Variants in SUSD1 observed in about 807,000 individuals in gnomAD.
The protein encoded by SUSD1 is sushi domain-containing protein 1.
A neutral mutation model predicts 86.9 loss-of-function variants in SUSD1; 65 were observed. The ratio of observed to expected loss-of-function variants is 0.75; its 90% CI spans 0.61 to 0.92. The LOEUF (loss-of-function observed/expected upper bound fraction) is 0.92. SUSD1 is among the 40% of genes least tolerant of loss of function. The pLI, the probability that SUSD1 is intolerant of heterozygous loss-of-function variation, is 0.00. For synonymous variants in SUSD1, 346 were observed against 350.0 expected (o/e 0.99, Z 0.13); for missense variants, 850 against 929.7 (o/e 0.91, Z 1.11).
In SUSD1 at chr9:112,113,760, C is replaced by T. The variant is rs1430741549; in HGVS notation, c.887-892G>A. On this transcript the variant is annotated intron_variant, in intron 6 of 16. Transcript: ENST00000374270. The surrounding 1 kb of genome is among the most constrained non-coding windows in gnomAD (Gnocchi z 4.1). ...CAGCCTGGCCAACATAGTGAAACCC[C>T]ATCTCTACTAAAAATACAAAACTTA... Among the ~76,000 whole-genome samples the T allele has an allele frequency of 6.6e-6, 1 of 152,006 alleles. No homozygotes were observed. Among genetic ancestry groups the T allele is most frequent in the African/African-American group, 2.4e-5 (1 of 41,386 alleles).
chr9:112,103,003 CAG>C (rs1396198905), intron 8 of SUSD1: 3 of 329,638 alleles, frequency 9.1e-6, no homozygotes, highest in Middle Eastern at 4.4e-4. Flanking sequence ...AAAGAAATAA[CAG>C]AGAGTCAGGA....
intron 1 of SUSD1, among the ~76,000 whole-genome samples, chr9:112,161,728 A>C (rs750677750): frequency 1.8e-4 from 28 of 151,710 alleles, no homozygotes; most frequent in Admixed American, 1.1e-3. Context: ...AGGCTGAAGC[A>C]GGAGAATCGC....
chr9:112,047,398 G>C (rs372118612), intron 15 of SUSD1, among the ~76,000 whole-genome samples: 1 of 152,148 alleles, frequency 6.6e-6, no homozygotes, highest in Admixed American at 6.5e-5. Context: ...GAAGAAAACC[G>C]TATTAGGGCC....
chr9:112,060,881 G>C (rs1451281052), intron 13 of SUSD1, among the ~76,000 whole-genome samples: 1 of 152,158 alleles, frequency 6.6e-6, no homozygotes, highest in Non-Finnish European at 1.5e-5. Flanking sequence ...TGGTGGTCAA[G>C]AGCAAGGTCG....
chr9:112,098,740 G>A lies in SUSD1; in HGVS notation c.1282-78C>T, dbSNP rs1589652513. The A allele has an allele frequency of 3.0e-6, 4 of 1,324,744 alleles. No individual in the cohort carries two copies. In the South Asian group the frequency reaches 5.3e-5, roughly 17 times the overall value. The allele number at this position is 1,324,744 out of a possible 1,614,324, so 82.1% of individuals were successfully genotyped here. On this transcript the variant is annotated intron_variant, in intron 9 of 16. Transcript: ENST00000374270. ...GTGCCTAGACTATTAGCAAAATGGAGTTAAAACAAGAAAGTTCCTTTTATT... is the reference window on the plus strand; with the variant it reads ...GTGCCTAGACTATTAGCAAAATGGAATTAAAACAAGAAAGTTCCTTTTATT...
At chr9:112,129,473 T>C (rs1041205315) in intron 5 of SUSD1, among the ~76,000 whole-genome samples, 1 of 152,092 alleles carries the variant, frequency 6.6e-6, no homozygotes, top group Non-Finnish European at 1.5e-5. Flanking sequence ...CAACCATATA[T>C]GGCTAATTTT....
intron 10 of SUSD1, among the ~76,000 whole-genome samples, chr9:112,084,834 C>T (rs573645278): frequency 1.3e-5 from 2 of 152,112 alleles, no homozygotes; most frequent in African/African-American, 2.4e-5. Flanking sequence ...GATCTAGAAT[C>T]CTGAAGTTGA....
chr9:112,079,998 T>A (rs1402971945), intron 11 of SUSD1, 76 bp downstream of exon 11: 1 of 1,030,760 alleles, frequency 9.7e-7, no homozygotes, highest in East Asian at 2.4e-5. Flanking sequence ...AGATGTAGAT[T>A]TTTAGGTTTG....
intron 10 of SUSD1, among the ~76,000 whole-genome samples, chr9:112,085,454 T>C (rs1829937928): frequency 6.6e-6 from 1 of 152,224 alleles, no homozygotes; most frequent in African/African-American, 2.4e-5. Flanking sequence ...ATGTTCACAG[T>C]TAAGGCAACT....
chr9:112,045,191 G>A (rs183772692), intron 15 of SUSD1, among the ~76,000 whole-genome samples: 9 of 152,232 alleles, frequency 5.9e-5, no homozygotes, highest in Admixed American at 4.6e-4. Context: ...GGAGATGAAC[G>A]GGGGAGCTGG....
intron 12 of SUSD1, among the ~76,000 whole-genome samples, chr9:112,077,077 AT>A (rs1202038764): frequency 1.4e-4 from 22 of 152,198 alleles, no homozygotes; most frequent in African/African-American, 5.3e-4. Flanking sequence ...GAAGACAAAT[AT>A]GGGCTCAAAG....
At chr9:112,086,458 T>C (rs796344893) in intron 10 of SUSD1, among the ~76,000 whole-genome samples, 49 of 146,588 alleles carry the variant, frequency 3.3e-4, no homozygotes, top group African/African-American at 1.1e-3. Context: ...TGGCCCAGAG[T>C]AAGCTAGGTT....
In SUSD1 at chr9:112,175,224, C is replaced by T; in HGVS notation, c.12G>A (p.Gly4=). 2.6e-6 allele frequency: 3 copies of T among 1,153,984 alleles called. No homozygotes were observed. The highest frequency in any genetic ancestry group is 3.2e-6 in the Non-Finnish European group (3 of 939,090). 71.5% of individuals were successfully genotyped at this position (1,153,984 alleles called of 1,614,324 possible). MGR[G]PWDAGPSRRL... Reference sequence around the variant, plus strand: ...GGCGAGACGGGCCCGCATCCCAGGGCCCCCGGCCCATGCCGCCGCCGGTCC... The same window carrying T: ...GGCGAGACGGGCCCGCATCCCAGGGTCCCCGGCCCATGCCGCCGCCGGTCC... Residue 4 remains glycine (G), a synonymous_variant, in exon 1 of 17, where the codon GGG becomes GGA. Coordinates refer to ENST00000374270, the MANE Select transcript of SUSD1 (RefSeq NM_022486.5). The surrounding 1 kb of genome is among the most constrained non-coding windows in gnomAD (Gnocchi z 4.7).
intron 15 of SUSD1, among the ~76,000 whole-genome samples, chr9:112,050,699 C>T (rs1360729405): frequency 1.3e-5 from 2 of 152,188 alleles, no homozygotes; most frequent in Non-Finnish European, 2.9e-5. Flanking sequence ...GGAAAAGGTC[C>T]AGATTCCAAG....
chr9:112,059,662 A>T, intron 13 of SUSD1, among the ~76,000 whole-genome samples: 1 of 152,258 alleles, frequency 6.6e-6, no homozygotes. Flanking sequence ...AATTGTGGAC[A>T]GAAAAACACA....
chr9:112,091,975 T>G (rs1184480005), intron 10 of SUSD1, among the ~76,000 whole-genome samples: 1 of 152,180 alleles, frequency 6.6e-6, no homozygotes, highest in Non-Finnish European at 1.5e-5. Context: ...ACAATTCCCT[T>G]GGCTCAGCTC....
intron 1 of SUSD1, among the ~76,000 whole-genome samples, chr9:112,159,638 C>A (rs1023773457): frequency 7.2e-5 from 11 of 152,092 alleles, no homozygotes; most frequent in African/African-American, 2.7e-4. Context: ...TACTTGCAAA[C>A]CACAGAACAT....
intron 15 of SUSD1, among the ~76,000 whole-genome samples, chr9:112,046,267 T>G: frequency 6.6e-6 from 1 of 152,230 alleles, no homozygotes; most frequent in Non-Finnish European, 1.5e-5. Context: ...ATTGTATTTT[T>G]TATAGCCTCA....
At chr9:112,105,561 A>C (rs1426477185) in intron 8 of SUSD1, among the ~76,000 whole-genome samples, 2 of 152,132 alleles carry the variant, frequency 1.3e-5, no homozygotes, top group African/African-American at 2.4e-5. Flanking sequence ...TCTACTAAAA[A>C]TACAAAAATT....
Sources: gnomAD v4.1 joint callset for allele counts (sites outside exome capture counted in the v4.1 genomes callset) on GRCh38, gnomAD v4.1.1 for gene constraint, Gnocchi (gnomAD v3.1) non-coding constraint, MANE v1.5 for transcripts, NCBI Gene and HGNC (gene_info 2026-07-23, HGNC 2026-07-21) for gene names.